RIMBP2: variants seen among roughly 807,000 people sequenced by gnomAD.
RIMBP2 encodes RIMS binding protein 2, also known as RIMS-binding protein 2.
Under a neutral mutation model 118.6 loss-of-function variants are expected in RIMBP2, and 48 were observed. The ratio of observed to expected loss-of-function variants is 0.40; its 90% CI spans 0.32 to 0.51. The LOEUF is 0.51. Ranked by LOEUF, RIMBP2 falls within the 20% of genes least tolerant of loss-of-function variation. The probability of loss-of-function intolerance (pLI) is 0.41; values close to 1 mark genes in which losing one functional copy is unlikely to be tolerated. For synonymous variants in RIMBP2, 762 were observed against 742.9 expected, an observed-to-expected ratio of 1.03 and a Z score of -0.42; for missense variants, 1,551 against 1,768.3, an observed-to-expected ratio of 0.88 and a Z score of 2.20.
intron 2 of RIMBP2, among the ~76,000 whole-genome samples, chr12:130,552,885 G>C (rs1226687453): frequency 6.6e-6 from 1 of 152,158 alleles, no homozygotes; most frequent in Non-Finnish European, 1.5e-5. Context: ...GGGCGTGGTG[G>C]CTCACACCTA....
At chr12:130,417,533 A>G (rs892496298) in intron 17 of RIMBP2, among the ~76,000 whole-genome samples, 3 of 152,230 alleles carry the variant, frequency 2.0e-5, no homozygotes, top group African/African-American at 7.2e-5. Flanking sequence ...TTGGGTCCAC[A>G]TAGACACGAA....
chr12:130,563,488 C>G (rs1392737724), intron 2 of RIMBP2, among the ~76,000 whole-genome samples: 1 of 152,164 alleles, frequency 6.6e-6, no homozygotes, highest in Non-Finnish European at 1.5e-5. Flanking sequence ...TTAAGCTGTT[C>G]AAAGGAATGG....
In RIMBP2 at chr12:130,613,490, C is replaced by T. The variant is rs1333034842; in HGVS notation, c.-217+14832G>A. Among the ~76,000 whole-genome samples, 4 of 152,226 alleles carry T rather than the reference C, an allele frequency of 2.6e-5. No homozygotes were observed. In the East Asian group the frequency reaches 5.8e-4, roughly 22 times the overall value. On this transcript the variant is annotated intron_variant, in intron 2 of 22. Transcript: ENST00000690449. ...GTGGATCTGGGAGGCAAGCAGGGAA[C>T]GCCCAGCACAGACTTCTTCCTTTCT...
rs1439751081 is a variant in RIMBP2, at chr12:130,424,451, C to T, written c.2820G>A (p.Ala940=). The T allele has an allele frequency of 2.3e-5, 28 of 1,232,126 alleles. No homozygotes were observed. Among genetic ancestry groups the T allele is most frequent in the Middle Eastern group, 3.1e-4 (1 of 3,232 alleles). The allele number at this position is 1,232,126 out of a possible 1,614,324, so 76.3% of individuals were successfully genotyped here. A position where few individuals can be genotyped will look rare whatever the true frequency, so the allele number is the denominator to read the frequency against. ...GACAGTGACCAGGGCCTGGGCTGCA[C>T]GCGGCCACGGTGTTTCCGAAGCCAA... ...SRFGFGNTVA[A]CSPGPGHCPC... is the part of the protein sequence containing the mutation. Residue 940 remains alanine (A), a synonymous_variant, in exon 16 of 23, where the codon GCG becomes GCA. Transcript: ENST00000690449. The surrounding 1 kb of genome is among the most constrained non-coding windows in gnomAD (Gnocchi z 9.8).
At chr12:130,583,412 T>G (rs1593901006) in intron 2 of RIMBP2, among the ~76,000 whole-genome samples, 1 of 5,534 alleles carries the variant, frequency 1.8e-4, no homozygotes, top group African/African-American at 5.6e-4. Context: ...CACCATTACA[T>G]CATCATCATC....
At chr12:130,524,762 T>C (rs1185900296) in intron 2 of RIMBP2, among the ~76,000 whole-genome samples, 3 of 152,038 alleles carry the variant, frequency 2.0e-5, no homozygotes, top group Non-Finnish European at 2.9e-5. Context: ...GTGGCCAGAA[T>C]TGAGATTATG....
intron 1 of RIMBP2, among the ~76,000 whole-genome samples, chr12:130,650,973 A>AAAAAAAAAG (rs71088775): frequency 7.0e-6 from 1 of 143,216 alleles, no homozygotes; most frequent in Non-Finnish European, 1.5e-5. Context: ...AAAAAAAAAA[A>AAAAAAAAAG]AAAGAAAGAA....
chr12:130,699,178 C>T (rs1443285833), intron 1 of RIMBP2, among the ~76,000 whole-genome samples: 4 of 152,152 alleles, frequency 2.6e-5, no homozygotes, highest in Admixed American at 6.5e-5. Context: ...GGCAATTCCT[C>T]AGGGATCTAG....
chr12:130,702,053 C>T (rs189693308), intron 1 of RIMBP2, among the ~76,000 whole-genome samples: 11 of 152,226 alleles, frequency 7.2e-5, no homozygotes, highest in African/African-American at 2.6e-4. Context: ...TAATCCAGTA[C>T]GAGGATGAGC....
chr12:130,437,224 T>G lies in RIMBP2; in HGVS notation c.1724A>C (p.Glu575Ala), dbSNP rs377515951. 8 of 1,584,996 alleles carry G rather than the reference T, an allele frequency of 5.0e-6. No individual in the cohort carries two copies. The highest frequency in any genetic ancestry group is 6.8e-6 in the Non-Finnish European group (8 of 1,170,668). ...AVELVRLRSLEAKGVTVRTLS... is the reference protein window; with the variant it reads ...AVELVRLRSLAAKGVTVRTLS... ...GGTCCGCACGGTCACGCCCTTGGCC[T>G]CCAGGCTCCGCAGCCGCACAAGCTC... The change falls in exon 13 of 23, where the codon GAG becomes GCG. Residue 575 changes from glutamate to alanine, a missense_variant. This residue lies in a region of RIMBP2 where 1,038 missense variants were observed against 1,125.1 expected (regional missense o/e 0.92). Coordinates refer to ENST00000690449, the MANE Select transcript of RIMBP2 (RefSeq NM_001393629.1).
rs1163116607 is a variant in RIMBP2 at position 130,431,479 on chromosome 12, G to T, written c.2254-3142C>A. The T allele has an allele frequency of 2.6e-6, 1 of 381,824 alleles. No individual in the cohort carries two copies. The highest frequency in any genetic ancestry group is 5.4e-6 in the Non-Finnish European group (1 of 183,642). 23.7% of individuals were successfully genotyped at this position (381,824 alleles called of 1,614,324 possible). On this transcript the variant is annotated intron_variant, in intron 14 of 22. Coordinates refer to ENST00000690449, the MANE Select transcript of RIMBP2 (RefSeq NM_001393629.1). This position sits in a 1 kb window ranked among gnomAD's most constrained non-coding sequence, Gnocchi z 4.0. ...GATTAATGAATGTATTCTTTGAATT[G>T]AATCAATATTTAACGTTACTTTTAA...
intron 3 of RIMBP2, among the ~76,000 whole-genome samples, chr12:130,517,265 G>A (rs1286655196): frequency 6.6e-6 from 1 of 152,102 alleles, no homozygotes; most frequent in Non-Finnish European, 1.5e-5. Context: ...CCTTGCCGCG[G>A]GGCACCCTAT....
intron 5 of RIMBP2, among the ~76,000 whole-genome samples, chr12:130,476,209 G>A (rs1359649006): frequency 2.6e-5 from 4 of 152,150 alleles, no homozygotes; most frequent in Middle Eastern, 3.2e-3. Context: ...CTACCCACTG[G>A]ACCGTAAGCT....
At chr12:130,496,943 C>T (rs532589394) in intron 4 of RIMBP2, among the ~76,000 whole-genome samples, 2 of 152,308 alleles carry the variant, frequency 1.3e-5, no homozygotes, top group South Asian at 2.1e-4. Flanking sequence ...CCCATCCTCT[C>T]ATGCCCTGGA....
intron 13 of RIMBP2, among the ~76,000 whole-genome samples, chr12:130,436,247 T>A (rs1036391378): frequency 2.0e-5 from 3 of 152,152 alleles, no homozygotes. Context: ...ACAATCCACA[T>A]GCTCTCTCCT....
chr12:130,612,003 G>A (rs2060586323), intron 2 of RIMBP2, among the ~76,000 whole-genome samples: 1 of 152,178 alleles, frequency 6.6e-6, no homozygotes. Flanking sequence ...GATAGTTAAG[G>A]CGTCATGAGT....
chr12:130,695,744 G>T (rs1368766073), intron 1 of RIMBP2, among the ~76,000 whole-genome samples: 2 of 152,116 alleles, frequency 1.3e-5, no homozygotes, highest in South Asian at 2.1e-4. Context: ...CGAGGCAGAG[G>T]CTAGGATGGC....
intron 4 of RIMBP2, among the ~76,000 whole-genome samples, chr12:130,480,968 G>A (rs546497445): frequency 6.6e-6 from 1 of 152,298 alleles, no homozygotes; most frequent in African/African-American, 2.4e-5. Flanking sequence ...TCATGAGGTC[G>A]GACACACGCG....
intron 2 of RIMBP2, among the ~76,000 whole-genome samples, chr12:130,619,282 G>A (rs534137268): frequency 6.6e-6 from 1 of 152,154 alleles, no homozygotes; most frequent in Non-Finnish European, 1.5e-5. Flanking sequence ...GACCACAAAC[G>A]CACACGATTT....
Sources: allele counts gnomAD v4.1 joint callset (sites outside exome capture counted in the v4.1 genomes callset), GRCh38; gene constraint gnomAD v4.1.1; regional missense constraint gnomAD v4.1.1; non-coding constraint Gnocchi (gnomAD v3.1); transcripts MANE v1.5; gene names NCBI Gene and HGNC (gene_info 2026-07-23, HGNC 2026-07-21).